Variants in DLGAP2 observed in about 807,000 individuals in gnomAD.
The protein encoded by DLGAP2 is disks large-associated protein 2.
Under a neutral mutation model 100.3 loss-of-function variants are expected in DLGAP2, and 26 were observed. The ratio of observed to expected loss-of-function variants is 0.26; its 90% CI spans 0.19 to 0.36. DLGAP2 has a LOEUF of 0.36. Among genes scored for constraint, DLGAP2 ranks in the 10% least tolerant of loss-of-function variants. The probability of loss-of-function intolerance (pLI) is 1.00; values close to 1 mark genes in which losing one functional copy is unlikely to be tolerated. For missense variants in DLGAP2, 1,858 were observed against 1,453.2 expected (o/e 1.28, Z -4.53); for synonymous variants, 886 against 630.1 (o/e 1.41, Z -6.08).
At chr8:1,081,299 T>A (rs1477936308) in intron 2 of DLGAP2, among the ~76,000 whole-genome samples, 2 of 152,228 alleles carry the variant, frequency 1.3e-5, no homozygotes, top group Non-Finnish European at 2.9e-5. Flanking sequence ...TCTTAGCTAT[T>A]ACTATTTGTG....
At chr8:1,339,323 G>A (rs1054917767) in intron 3 of DLGAP2, among the ~76,000 whole-genome samples, 1 of 151,442 alleles carries the variant, frequency 6.6e-6, no homozygotes, top group Non-Finnish European at 1.5e-5. Flanking sequence ...AGGGAATGCA[G>A]TGACCTCAGT....
chr8:1,707,141 T>C lies in DLGAP2; in HGVS notation c.*5735T>C, dbSNP rs1361189983. The C allele has an allele frequency of 6.6e-6, 1 of 152,660 alleles. No individual in the cohort carries two copies. The highest frequency in any genetic ancestry group is 2.4e-5 in the African/African-American group (1 of 41,464). The allele number at this position is 152,660 out of a possible 1,614,324, so 9.5% of individuals were successfully genotyped here. On this transcript the variant is annotated 3_prime_UTR_variant, in exon 15 of 15. Transcript: ENST00000637795. ...ACAGAGGTTTACCTCCCTACTTTCTTAGATTTTATGTAACTCTTTTCATTG... is the reference window on the plus strand; with the variant it reads ...ACAGAGGTTTACCTCCCTACTTTCTCAGATTTTATGTAACTCTTTTCATTG...
chr8:1,678,257 C>G lies in DLGAP2; in HGVS notation c.2332C>G (p.Gln778Glu), dbSNP rs2130854700. The change falls in exon 12 of 15, where the codon CAA (glutamine) becomes GAA (glutamate). Residue 778 changes from glutamine to glutamate, a missense_variant. Transcript: ENST00000637795. ...TTCTAACAGCGTCACGGCCGCCGTC[C>G]AAGCTGACCTGGAGCTGGAGGGGTT... is the stretch of plus-strand genomic sequence containing the variant. ...KRSNSVTAAV[Q>E]ADLELEGFPG... The G allele has an allele frequency of 6.2e-7, 1 of 1,613,838 alleles. No individual in the cohort carries two copies. The highest frequency in any genetic ancestry group is 8.5e-7 in the Non-Finnish European group (1 of 1,179,812).
intron 2 of DLGAP2, among the ~76,000 whole-genome samples, chr8:1,155,631 G>C (rs992337768): frequency 1.3e-5 from 2 of 152,152 alleles, no homozygotes; most frequent in Non-Finnish European, 1.5e-5. Context: ...TTTGCTTCGC[G>C]ATGGGCGCGG....
chr8:866,250 G>A (rs775500851), intron 1 of DLGAP2, among the ~76,000 whole-genome samples: 31 of 152,146 alleles, frequency 2.0e-4, no homozygotes, highest in Non-Finnish European at 3.4e-4. Context: ...TTCCGGGGCC[G>A]TGCCGGTATC....
intron 2 of DLGAP2, among the ~76,000 whole-genome samples, chr8:1,105,632 T>A (rs1348424090): frequency 7.0e-5 from 8 of 113,872 alleles, no homozygotes; most frequent in East Asian, 2.6e-4. Flanking sequence ...TTTTTTTTTT[T>A]ACTGAAGGGA....
intron 12 of DLGAP2, among the ~76,000 whole-genome samples, chr8:1,684,961 A>G (rs1799075896): frequency 6.6e-6 from 1 of 152,150 alleles, no homozygotes; most frequent in African/African-American, 2.4e-5. Flanking sequence ...CGAATAACCT[A>G]CATGTTCACC....
chr8:1,491,077 CAAAAA>C (rs386411871), intron 3 of DLGAP2, among the ~76,000 whole-genome samples: 8 of 64,516 alleles, frequency 1.2e-4, no homozygotes, highest in African/African-American at 3.5e-4. Flanking sequence ...AACTGGAAAC[CAAAAA>C]AAAAAAAAAA....
intron 10 of DLGAP2, among the ~76,000 whole-genome samples, chr8:1,670,413 A>G (rs2130842188): frequency 6.6e-6 from 1 of 151,984 alleles, no homozygotes; most frequent in East Asian, 1.9e-4. Flanking sequence ...GCTTCTCCTC[A>G]TCCCCCCAGC....
chr8:1,531,813 G>C (rs1800998364), intron 4 of DLGAP2, among the ~76,000 whole-genome samples: 1 of 152,106 alleles, frequency 6.6e-6, no homozygotes, highest in Non-Finnish European at 1.5e-5. Flanking sequence ...CATGCCCATA[G>C]CTAACTGTGA....
chr8:1,523,359 C>T (rs563057257), intron 4 of DLGAP2, among the ~76,000 whole-genome samples: 2 of 152,360 alleles, frequency 1.3e-5, no homozygotes, highest in South Asian at 2.1e-4. Context: ...TCCCACCCCG[C>T]GCCTCACAGC....
intron 1 of DLGAP2, among the ~76,000 whole-genome samples, chr8:897,742 A>C (rs1166630915): frequency 6.7e-6 from 1 of 149,662 alleles, no homozygotes; most frequent in Admixed American, 6.6e-5. Context: ...CGGGTGAGCC[A>C]GAAGCGAGCA....
intron 2 of DLGAP2, among the ~76,000 whole-genome samples, chr8:1,191,293 C>G (rs1014477005): frequency 6.6e-6 from 1 of 151,312 alleles, no homozygotes; most frequent in Non-Finnish European, 1.5e-5. Flanking sequence ...GCCTCAGCCT[C>G]CCGAGTAGCT....
chr8:1,408,516 G>A (rs1051242745), intron 3 of DLGAP2, among the ~76,000 whole-genome samples: 1 of 152,244 alleles, frequency 6.6e-6, no homozygotes, highest in Non-Finnish European at 1.5e-5. Flanking sequence ...GGCCTTGGAT[G>A]ATGAGGGTGC....
At position 1,697,204 on chromosome 8, in the gene DLGAP2, C is replaced by T; in HGVS notation, c.2854C>T (p.Leu952=). ...GGACCTGGCCGGCTACTGGGACATG[C>T]TGCAGCTCTCCATTGAGGACGTCAG... ...SQDLAGYWDM[L]QLSIEDVSMK... The change falls in exon 14 of 15, where the codon CTG becomes TTG. Residue 952 remains leucine, a synonymous_variant. Coordinates refer to ENST00000637795, the MANE Select transcript of DLGAP2 (RefSeq NM_001346810.2). The T allele has an allele frequency of 6.2e-7, 1 of 1,610,618 alleles. No homozygotes were observed. Among genetic ancestry groups the T allele is most frequent in the Non-Finnish European group, 8.5e-7 (1 of 1,178,006 alleles).
chr8:1,115,136 C>T (rs7824197), intron 2 of DLGAP2, among the ~76,000 whole-genome samples: 9,528 of 152,252 alleles, frequency 0.063, 417 homozygotes, highest in Non-Finnish European at 0.089. Context: ...GAGTGTGTGC[C>T]ATGTGGCAAT....
At chr8:1,139,132 G>A (rs1304970028) in intron 2 of DLGAP2, among the ~76,000 whole-genome samples, 5 of 152,192 alleles carry the variant, frequency 3.3e-5, no homozygotes, top group East Asian at 1.9e-4. Context: ...GCTGCCGGCC[G>A]CTGCGGCCTG....
chr8:1,657,154 C>G (rs1490033273), intron 8 of DLGAP2, among the ~76,000 whole-genome samples: 1 of 152,142 alleles, frequency 6.6e-6, no homozygotes, highest in African/African-American at 2.4e-5. Flanking sequence ...ATTAAACAAT[C>G]ATTTCTTCTT....
intron 3 of DLGAP2, among the ~76,000 whole-genome samples, chr8:1,474,080 C>G (rs143216841): frequency 6.6e-6 from 1 of 152,138 alleles, no homozygotes; most frequent in African/African-American, 2.4e-5. Context: ...ATCATTCTTA[C>G]GCCTTTGCAT....
Sources: gnomAD v4.1 joint callset for allele counts (sites outside exome capture counted in the v4.1 genomes callset) on GRCh38, gnomAD v4.1.1 for gene constraint, MANE v1.5 for transcripts, NCBI Gene and HGNC (gene_info 2026-07-23, HGNC 2026-07-21) for gene names.